Variants in LIMCH1 observed in about 807,000 individuals in gnomAD.
LIMCH1 encodes the protein LIM and calponin homology domains 1.
In LIMCH1, 113 loss-of-function variants were observed where a neutral mutation model predicts 176.5. The ratio of observed to expected loss-of-function variants is 0.64; its 90% CI spans 0.55 to 0.75. The LOEUF (loss-of-function observed/expected upper bound fraction) is 0.75, where lower values mean the gene tolerates loss of function less well. Among genes scored for constraint, LIMCH1 ranks in the 30% least tolerant of loss-of-function variants. The probability of loss-of-function intolerance (pLI) is 0.00; values close to 1 mark genes in which losing one functional copy is unlikely to be tolerated. For synonymous variants in LIMCH1, 619 were observed against 645.9 expected (o/e 0.96, Z 0.63); for missense variants, 1,674 against 1,814.9 (o/e 0.92, Z 1.41).
intron 1 of LIMCH1, among the ~76,000 whole-genome samples, chr4:41,567,851 G>A (rs1467157751): frequency 1.3e-5 from 2 of 152,164 alleles, no homozygotes; most frequent in Admixed American, 6.5e-5. Context: ...CCCAGGTAAT[G>A]TCCTTAAAAT....
At chr4:41,619,163 T>C (rs2092372886) in intron 5 of LIMCH1, 25 bp from the exon 6 acceptor site, 1 of 1,611,092 alleles carries the variant, frequency 6.2e-7, no homozygotes, top group South Asian at 1.1e-5. Flanking sequence ...ACACACTTTC[T>C]CAGTACCCAT....
At chr4:41,683,901 T>G (rs1441073759) in intron 26 of LIMCH1, among the ~76,000 whole-genome samples, 1 of 152,182 alleles carries the variant, frequency 6.6e-6, no homozygotes, top group Non-Finnish European at 1.5e-5. Context: ...TTTTTGCAAT[T>G]TTTTGCATTT....
intron 2 of LIMCH1, among the ~76,000 whole-genome samples, chr4:41,495,879 TCTATTTGA>T (rs2154176311): frequency 6.6e-6 from 1 of 152,314 alleles, no homozygotes; most frequent in African/African-American, 2.4e-5. Flanking sequence ...ATGTGTATCT[TCTATTTGA>T]TGTTTCCATA....
At chr4:41,489,156 C>T (rs1470273374) in intron 1 of LIMCH1, among the ~76,000 whole-genome samples, 1 of 151,956 alleles carries the variant, frequency 6.6e-6, no homozygotes, top group Admixed American at 6.6e-5. Context: ...GTAATTTCTG[C>T]CTTCTTTCTT....
intron 1 of LIMCH1, among the ~76,000 whole-genome samples, chr4:41,470,776 C>T (rs1358346757): frequency 3.3e-5 from 5 of 151,944 alleles, no homozygotes; most frequent in African/African-American, 9.7e-5. Context: ...AGTCCTTGGA[C>T]CTCTTCTCTT....
intron 1 of LIMCH1, among the ~76,000 whole-genome samples, chr4:41,592,427 G>T (rs2087783898): frequency 6.6e-6 from 1 of 152,100 alleles, no homozygotes. Flanking sequence ...CAAGCTGGTG[G>T]TTAATAACAA....
chr4:41,644,550 C>A lies in LIMCH1; in HGVS notation c.2177C>A (p.Pro726Gln). 3 of 1,604,392 alleles carry A rather than the reference C, an allele frequency of 1.9e-6. No individual in the cohort carries two copies. Among genetic ancestry groups the A allele is most frequent in the Non-Finnish European group, 2.6e-6 (3 of 1,175,656 alleles). Reference protein sequence around the residue: ...MRCEEEAAVQPHSRARQEQLQ... With the variant: ...MRCEEEAAVQQHSRARQEQLQ... ...TGTGAGGAGGAGGCCGCGGTGCAGC[C>A]GCACAGCAGGGCCCGCCAGGAGCAG... The change falls in exon 15 of 32, where the codon CCG becomes CAG. Residue 726 changes from proline to glutamine, a missense_variant. This residue lies in a region of LIMCH1 where 1,015 missense variants were observed against 1,102.5 expected (regional missense o/e 0.92). Coordinates refer to ENST00000503057, the MANE Select transcript of LIMCH1 (RefSeq NM_001330672.2).
intron 1 of LIMCH1, among the ~76,000 whole-genome samples, chr4:41,493,569 GTAC>G (rs2071491392): frequency 6.6e-6 from 1 of 152,072 alleles, no homozygotes; most frequent in Admixed American, 6.6e-5. Flanking sequence ...GATTCTATGT[GTAC>G]TGGAAGATGT....
At chr4:41,398,386 G>A (rs546712438) in intron 1 of LIMCH1, among the ~76,000 whole-genome samples, 3 of 152,010 alleles carry the variant, frequency 2.0e-5, no homozygotes, top group South Asian at 4.1e-4. Flanking sequence ...ATCAATTTCC[G>A]TACTTTTCCG....
chr4:41,392,722 A>C (rs978648802), intron 1 of LIMCH1, among the ~76,000 whole-genome samples: 7 of 152,118 alleles, frequency 4.6e-5, no homozygotes, highest in Non-Finnish European at 1.0e-4. Flanking sequence ...TGGAAGGCTA[A>C]ACTCTCCACA....
intron 1 of LIMCH1, among the ~76,000 whole-genome samples, chr4:41,434,436 A>G (rs982027712): frequency 1.3e-5 from 2 of 152,204 alleles, no homozygotes; most frequent in Non-Finnish European, 2.9e-5. Flanking sequence ...AGAGGACAAC[A>G]TGTGATTTGC....
chr4:41,435,163 AGAG>A (rs1302030872), intron 1 of LIMCH1, among the ~76,000 whole-genome samples: 2 of 152,180 alleles, frequency 1.3e-5, no homozygotes, highest in African/African-American at 2.4e-5. Context: ...AAGCAGAAAA[AGAG>A]GAGATTATCC....
At chr4:41,470,584 A>G (rs2066806971) in intron 1 of LIMCH1, among the ~76,000 whole-genome samples, 1 of 152,134 alleles carries the variant, frequency 6.6e-6, no homozygotes, top group Admixed American at 6.5e-5. Flanking sequence ...TCTCCTCACC[A>G]TTCTGTAGAA....
chr4:41,455,091 A>C (rs1324360412), intron 1 of LIMCH1, among the ~76,000 whole-genome samples: 1 of 152,078 alleles, frequency 6.6e-6, no homozygotes, highest in Non-Finnish European at 1.5e-5. Context: ...TATGGGTTTG[A>C]GTATTATAAA....
chr4:41,408,053 A>G (rs1467645648), intron 1 of LIMCH1, among the ~76,000 whole-genome samples: 1 of 152,214 alleles, frequency 6.6e-6, no homozygotes, highest in Non-Finnish European at 1.5e-5. Flanking sequence ...ACCTCGCCTC[A>G]TTCCATACCT....
intron 21 of LIMCH1, among the ~76,000 whole-genome samples, chr4:41,669,662 C>T (rs571013873): frequency 3.2e-4 from 49 of 152,302 alleles, no homozygotes; most frequent in African/African-American, 1.2e-3. Context: ...ATGAAAATAA[C>T]AGTAATAATT....
At chr4:41,594,894 T>C (rs2088433971) in intron 1 of LIMCH1, among the ~76,000 whole-genome samples, 3 of 152,172 alleles carry the variant, frequency 2.0e-5, no homozygotes, top group African/African-American at 7.2e-5. Flanking sequence ...GTCACAGGTC[T>C]TGTCTTTTAT....
intron 17 of LIMCH1, 70 bp downstream of exon 17, chr4:41,646,963 C>A: frequency 7.3e-7 from 1 of 1,364,544 alleles, no homozygotes; most frequent in Non-Finnish European, 1.0e-6. Flanking sequence ...AGCATCATGA[C>A]TCAAGAAAAT....
Position 41,684,516 on chromosome 4 carries a change from A to T in LIMCH1, c.3965A>T (p.Gln1322Leu). 2 of 1,612,938 alleles carry T rather than the reference A, an allele frequency of 1.2e-6. No individual in the cohort carries two copies. The highest frequency in any genetic ancestry group is 1.7e-6 in the Non-Finnish European group (2 of 1,179,476). ...PHCGTNPQLAQDPSQNQQTSN... is the reference protein window; with the variant it reads ...PHCGTNPQLALDPSQNQQTSN... ...TGTGGAACAAACCCACAGCTTGCTC[A>T]GGGTAAGAATGGAGAAGACCAGTTT... The change falls in exon 27 of 32, where the codon CAG becomes CTG. Residue 1322 changes from glutamine (Q) to leucine (L), a missense_variant and splice_region_variant. Gln to Leu is a moderately radical substitution (Grantham distance 113). Around this residue, in one of 3 missense-constraint regions of LIMCH1, gnomAD observed 1,015 missense variants for 1,102.5 expected, o/e 0.92. Coordinates refer to ENST00000503057, the MANE Select transcript of LIMCH1 (RefSeq NM_001330672.2).
Sources: gnomAD v4.1 joint callset for allele counts (sites outside exome capture counted in the v4.1 genomes callset) on GRCh38, gnomAD v4.1.1 for gene constraint, gnomAD v4.1.1 regional missense constraint, MANE v1.5 for transcripts, NCBI Gene and HGNC (gene_info 2026-07-23, HGNC 2026-07-21) for gene names.